MALSU1: variants seen among roughly 807,000 people sequenced by gnomAD.
MALSU1 encodes mitochondrial assembly of ribosomal large subunit protein 1.
In MALSU1, 22 loss-of-function variants were observed where a neutral mutation model predicts 22.1. The ratio of observed to expected loss-of-function variants is 1.00; its 90% CI spans 0.71 to 1.42. The LOEUF is 1.42. MALSU1 is among the 40% of genes most tolerant of loss of function. The pLI is 0.00. For missense variants in MALSU1, 379 were observed against 308.3 expected (o/e 1.23, Z -1.72); for synonymous variants, 153 against 118.5 (o/e 1.29, Z -1.89).
At chr7:23,304,382 A>G (rs926695029) in intron 2 of MALSU1, among the ~76,000 whole-genome samples, 3 of 152,222 alleles carry the variant, frequency 2.0e-5, no homozygotes, top group Admixed American at 1.3e-4. Flanking sequence ...CCTAATGGGC[A>G]TGACGTGATA....
At chr7:23,302,361 G>A (rs1425695747) in intron 2 of MALSU1, among the ~76,000 whole-genome samples, 1 of 152,202 alleles carries the variant, frequency 6.6e-6, no homozygotes, top group East Asian at 1.9e-4. Flanking sequence ...TTAGTCTGTT[G>A]AGAATTGGTC....
In MALSU1 at chr7:23,307,960, C is replaced by T. The variant is rs1388050778; in HGVS notation, c.517+11C>T. ...TGTGCGTGGATTTTGGTAAGTTATT[C>T]TGGCGTATTTTACAGGTAACTGTTG... On this transcript the variant is annotated intron_variant, in intron 3 of 3. Coordinates refer to ENST00000466681, the MANE Select transcript of MALSU1 (RefSeq NM_138446.2). 3 of 1,597,192 alleles carry T rather than the reference C, an allele frequency of 1.9e-6. No homozygotes were observed. The highest frequency in any genetic ancestry group is 1.1e-5 in the South Asian group (1 of 90,686).
chr7:23,306,783 C>T (rs929985759), intron 2 of MALSU1, among the ~76,000 whole-genome samples: 19 of 152,250 alleles, frequency 1.2e-4, no homozygotes, highest in African/African-American at 4.6e-4. Context: ...GGATAAATCC[C>T]ACTTGGTCAT....
chr7:23,307,237 G>T (rs942065940), intron 2 of MALSU1, among the ~76,000 whole-genome samples: 1 of 151,890 alleles, frequency 6.6e-6, no homozygotes, highest in African/African-American at 2.4e-5. Context: ...TTTTTTCTTA[G>T]TCATTCTAAG....
In MALSU1 at chr7:23,311,549, C is replaced by T. The variant is rs1438526963; in HGVS notation, c.*2006C>T. The T allele has an allele frequency of 2.0e-5, 3 of 152,300 alleles. No individual in the cohort carries two copies. The highest frequency in any genetic ancestry group is 2.9e-5 in the Non-Finnish European group (2 of 68,028). The allele number at this position is 152,300 out of a possible 1,614,324, so 9.4% of individuals were successfully genotyped here. A position where few individuals can be genotyped will look rare whatever the true frequency, so the allele number is the denominator to read the frequency against. On this transcript the variant is annotated 3_prime_UTR_variant, in exon 4 of 4. Coordinates refer to ENST00000466681, the MANE Select transcript of MALSU1 (RefSeq NM_138446.2). Reference sequence around the variant, plus strand: ...AGTGCTGCTCTCCAGATACTAGGCACTGCTCCGTATTTTTGAACATTTGAT... The same window carrying T: ...AGTGCTGCTCTCCAGATACTAGGCATTGCTCCGTATTTTTGAACATTTGAT...
At chr7:23,308,369 G>C (rs1783751820) in intron 3 of MALSU1, among the ~76,000 whole-genome samples, 1 of 152,148 alleles carries the variant, frequency 6.6e-6, no homozygotes, top group Non-Finnish European at 1.5e-5. Context: ...CAGAAGACTA[G>C]AATTTTGAAA....
Position 23,310,989 on chromosome 7 carries a change from A to C in MALSU1, c.*1446A>C, listed in dbSNP as rs754271663. ...TCGTTATCAAAGGTCATATGTTTTCACAGTCATTCAAATTATATCCCAAAA... is the reference window on the plus strand; with the variant it reads ...TCGTTATCAAAGGTCATATGTTTTCCCAGTCATTCAAATTATATCCCAAAA... On this transcript the variant is annotated 3_prime_UTR_variant, in exon 4 of 4. Transcript: ENST00000466681. 1.3e-5 allele frequency: 2 copies of C among 152,164 alleles called. No individual in the cohort carries two copies. The highest frequency in any genetic ancestry group is 2.4e-5 in the African/African-American group (1 of 41,452). The allele number at this position is 152,164 out of a possible 1,614,324, so 9.4% of individuals were successfully genotyped here.
At chr7:23,305,390 A>T (rs552404308) in intron 2 of MALSU1, among the ~76,000 whole-genome samples, 8 of 150,280 alleles carry the variant, frequency 5.3e-5, no homozygotes, top group East Asian at 3.9e-4. Flanking sequence ...GAGAGTCCAT[A>T]TAATTTTTTT....
chr7:23,310,242 C>G lies in MALSU1; in HGVS notation c.*699C>G, dbSNP rs1284959951. 6.6e-6 allele frequency: 1 copy of G among 152,182 alleles called. No homozygotes were observed. Among genetic ancestry groups the G allele is most frequent in the Non-Finnish European group, 1.5e-5 (1 of 68,036 alleles). The allele number at this position is 152,182 out of a possible 1,614,324, so 9.4% of individuals were successfully genotyped here. Reference sequence around the variant, plus strand: ...AATGATGAAAAAATTTATTCTGCGTCAAGGTATCTGGAAAATGAAGCTGCA... The same window carrying G: ...AATGATGAAAAAATTTATTCTGCGTGAAGGTATCTGGAAAATGAAGCTGCA... On this transcript the variant is annotated 3_prime_UTR_variant, in exon 4 of 4. Coordinates refer to ENST00000466681, the MANE Select transcript of MALSU1 (RefSeq NM_138446.2).
rs781129242 is a variant in MALSU1, at chr7:23,311,389, T to G, written c.*1846T>G. 1.3e-5 allele frequency: 2 copies of G among 152,638 alleles called. No homozygotes were observed. The highest frequency in any genetic ancestry group is 2.9e-5 in the Non-Finnish European group (2 of 68,034). The allele number at this position is 152,638 out of a possible 1,614,324, so 9.5% of individuals were successfully genotyped here. A position where few individuals can be genotyped will look rare whatever the true frequency, so the allele number is the denominator to read the frequency against. On this transcript the variant is annotated 3_prime_UTR_variant, in exon 4 of 4. Transcript: ENST00000466681. ...AGTCAGAAGCACAAAGCATTTATTA[T>G]GCATTCAATCATGTAGCTAAACAAA... is the stretch of plus-strand genomic sequence containing the variant.
rs1341465104 is a variant in MALSU1 at position 23,309,790 on chromosome 7, T to C, written c.*247T>C. On this transcript the variant is annotated 3_prime_UTR_variant, in exon 4 of 4. Transcript: ENST00000466681. Reference sequence around the variant, plus strand: ...TTATCCTGGAAATGTCATCAGAATTTCCTGGAGTTAGCACTGGCTCCTGTG... The same window carrying C: ...TTATCCTGGAAATGTCATCAGAATTCCCTGGAGTTAGCACTGGCTCCTGTG... 1 of 269,392 alleles carries C rather than the reference T, an allele frequency of 3.7e-6. No homozygotes were observed. The highest frequency in any genetic ancestry group is 2.2e-5 in the African/African-American group (1 of 45,418). 16.7% of individuals were successfully genotyped at this position (269,392 alleles called of 1,614,324 possible).
rs1416117376 is a variant in MALSU1, at chr7:23,310,495, A to G, written c.*952A>G. 2 of 151,962 alleles carry G rather than the reference A, an allele frequency of 1.3e-5. No homozygotes were observed. The highest frequency in any genetic ancestry group is 2.0e-4 in the East Asian group (1 of 4,998). 9.4% of individuals were successfully genotyped at this position (151,962 alleles called of 1,614,324 possible). ...ATTTTTAAAAAATCAAATATTGGGGAAAAAAATCAAATACTGAGAAAAGCT... is the reference window on the plus strand; with the variant it reads ...ATTTTTAAAAAATCAAATATTGGGGGAAAAAATCAAATACTGAGAAAAGCT... On this transcript the variant is annotated 3_prime_UTR_variant, in exon 4 of 4. Transcript: ENST00000466681.
At chr7:23,300,808 C>T (rs1412793048) in intron 1 of MALSU1, 31 bp from the exon 2 acceptor site, 1 of 1,595,462 alleles carries the variant, frequency 6.3e-7, no homozygotes, top group East Asian at 2.2e-5. Flanking sequence ...GCTTGGCCAT[C>T]CTGATACAAA....
At chr7:23,305,258 G>T (rs1383522769) in intron 2 of MALSU1, among the ~76,000 whole-genome samples, 2 of 152,124 alleles carry the variant, frequency 1.3e-5, no homozygotes, top group Non-Finnish European at 2.9e-5. Flanking sequence ...CTGTGCGTCT[G>T]TCTTTTTGCC....
rs1193421567 is a variant in MALSU1, at chr7:23,310,948, G to A, written c.*1405G>A. The A allele has an allele frequency of 6.6e-6, 1 of 152,138 alleles. No homozygotes were observed. Among genetic ancestry groups the A allele is most frequent in the Non-Finnish European group, 1.5e-5 (1 of 68,024 alleles). The allele number at this position is 152,138 out of a possible 1,614,324, so 9.4% of individuals were successfully genotyped here. A position where few individuals can be genotyped will look rare whatever the true frequency, so the allele number is the denominator to read the frequency against. On this transcript the variant is annotated 3_prime_UTR_variant, in exon 4 of 4. Transcript: ENST00000466681. ...GTACGTACTGGGCTTTGCTGTCAAG[G>A]AGTGAGCAAATGAGTTCGTTATCAA...
chr7:23,307,949 G>C lies in MALSU1; in HGVS notation c.517G>C (p.Gly173Arg). The change falls in exon 3 of 4, where the codon GGC becomes CGC. Residue 173 changes from glycine (G) to arginine (R), a missense_variant and splice_region_variant. Physicochemically the swap from Gly to Arg is moderately radical, Grantham distance 125. Transcript: ENST00000466681. ...TGATGACTGGCTGTGCGTGGATTTT[G>C]GTAAGTTATTCTGGCGTATTTTACA... ...DTDDWLCVDF[G>R]SMVIHLMLPE... 6.2e-7 allele frequency: 1 copy of C among 1,610,380 alleles called. No homozygotes were observed. The highest frequency in any genetic ancestry group is 8.5e-7 in the Non-Finnish European group (1 of 1,176,614).
intron 3 of MALSU1, among the ~76,000 whole-genome samples, chr7:23,308,798 G>C (rs1783759922): frequency 6.6e-6 from 1 of 152,082 alleles, no homozygotes; most frequent in Non-Finnish European, 1.5e-5. Flanking sequence ...TTTTGGACCA[G>C]GTAATTTTGC....
At position 23,310,383 on chromosome 7, in the gene MALSU1, T is replaced by G. The variant is rs1389210997; in HGVS notation, c.*840T>G. 3.3e-5 allele frequency: 5 copies of G among 152,112 alleles called. No individual in the cohort carries two copies. Among genetic ancestry groups the G allele is most frequent in the Non-Finnish European group, 7.4e-5 (5 of 67,972 alleles). The allele number at this position is 152,112 out of a possible 1,614,324, so 9.4% of individuals were successfully genotyped here. A position where few individuals can be genotyped will look rare whatever the true frequency, so the allele number is the denominator to read the frequency against. ...CAAATTACAAATGCTTAAGTAAAAG[T>G]AAAATATGATTTGCCATACTAAAAG... On this transcript the variant is annotated 3_prime_UTR_variant, in exon 4 of 4. Coordinates refer to ENST00000466681, the MANE Select transcript of MALSU1 (RefSeq NM_138446.2).
intron 2 of MALSU1, among the ~76,000 whole-genome samples, chr7:23,301,618 T>G (rs1327477451): frequency 6.6e-6 from 1 of 152,208 alleles, no homozygotes; most frequent in African/African-American, 2.4e-5. Flanking sequence ...GAGGGATTTC[T>G]AGAGGCACTA....
Sources: gnomAD v4.1 joint callset for allele counts (sites outside exome capture counted in the v4.1 genomes callset) on GRCh38, gnomAD v4.1.1 for gene constraint, MANE v1.5 for transcripts, NCBI Gene and HGNC (gene_info 2026-07-23, HGNC 2026-07-21) for gene names.